Variants in MTIF2 observed in about 807,000 individuals in gnomAD.
MTIF2 encodes mitochondrial translational initiation factor 2, also known as translation initiation factor IF-2, mitochondrial.
In MTIF2, 71 loss-of-function variants were observed where a neutral mutation model predicts 83.5. That is an observed-to-expected ratio of 0.85 (90% CI 0.70 to 1.04). The LOEUF is 1.04. MTIF2 is among the 50% of genes least tolerant of loss of function. The probability of loss-of-function intolerance (pLI) is 0.00; values close to 1 mark genes in which losing one functional copy is unlikely to be tolerated. For missense variants in MTIF2, 957 were observed against 846.5 expected (o/e 1.13, Z -1.62); for synonymous variants, 319 against 287.1 (o/e 1.11, Z -1.12).
At chr2:55,258,067 C>T (rs1359170233) in intron 5 of MTIF2, among the ~76,000 whole-genome samples, 1 of 152,210 alleles carries the variant, frequency 6.6e-6, no homozygotes, top group Non-Finnish European at 1.5e-5. Flanking sequence ...GCTGGGATTA[C>T]AGACATGAGC....
At chr2:55,240,888 A>T (rs939044863) in intron 13 of MTIF2, among the ~76,000 whole-genome samples, 6 of 152,170 alleles carry the variant, frequency 3.9e-5, no homozygotes, top group African/African-American at 1.4e-4. Context: ...CTTATTGTCT[A>T]CAATTTTTGT....
intron 14 of MTIF2, among the ~76,000 whole-genome samples, chr2:55,237,937 C>T (rs1329411162): frequency 1.3e-5 from 2 of 152,172 alleles, no homozygotes; most frequent in African/African-American, 4.8e-5. Flanking sequence ...AGGCGTGAGC[C>T]ACTGCACCCA....
chr2:55,254,805 A>G lies in MTIF2; in HGVS notation c.352T>C (p.Leu118=), dbSNP rs1677386713. The G allele has an allele frequency of 1.3e-6, 2 of 1,595,470 alleles. No homozygotes were observed. The highest frequency in any genetic ancestry group is 2.3e-5 in the East Asian group (1 of 44,120). Residue 118 remains leucine (L), a synonymous_variant, in exon 6 of 16, where the codon TTG becomes CTG. Transcript: ENST00000263629. ...KNTDYVYEAL[L]NTDIDIDSLE... ...GAATCTATGTCAATATCAGTGTTCAATAAAGCTTCATATACATAATCTGAT... is the reference window on the plus strand; with the variant it reads ...GAATCTATGTCAATATCAGTGTTCAGTAAAGCTTCATATACATAATCTGAT...
chr2:55,261,941 C>CAA (rs5831348), intron 5 of MTIF2, among the ~76,000 whole-genome samples: 43 of 87,150 alleles, frequency 4.9e-4, no homozygotes, highest in African/African-American at 1.5e-3. Flanking sequence ...AAAAAAAAAC[C>CAA]AAAAAAAAAA....
intron 5 of MTIF2, among the ~76,000 whole-genome samples, chr2:55,261,328 G>A (rs2104451416): frequency 6.6e-6 from 1 of 152,214 alleles, no homozygotes; most frequent in African/African-American, 2.4e-5. Context: ...GAAAAGGCTG[G>A]GCATGGTGGG....
Position 55,249,681 on chromosome 2 carries a change from G to C in MTIF2, c.842-147C>G. On this transcript the variant is annotated intron_variant, in intron 8 of 15. Transcript: ENST00000263629. ...CAAAAGGCCAAAATGACCCACTTTA[G>C]AGTCACATCACCCTACTCTGCGCTC... The C allele has an allele frequency of 5.0e-6, 4 of 797,004 alleles. No individual in the cohort carries two copies. In the South Asian group the frequency reaches 7.2e-5, roughly 14 times the overall value. 49.4% of individuals were successfully genotyped at this position (797,004 alleles called of 1,614,324 possible).
intron 5 of MTIF2, among the ~76,000 whole-genome samples, chr2:55,262,111 A>G (rs1346213712): frequency 2.6e-5 from 4 of 152,216 alleles, no homozygotes; most frequent in Non-Finnish European, 5.9e-5. Context: ...CACTTTAATT[A>G]AAAGCAAAAT....
intron 2 of MTIF2, among the ~76,000 whole-genome samples, chr2:55,268,158 CAGG>C (rs1319480312): frequency 1.3e-5 from 2 of 151,860 alleles, no homozygotes; most frequent in Non-Finnish European, 2.9e-5. Context: ...GAGGCTGAGG[CAGG>C]AGAATCGCTT....
rs763176227 is a variant in MTIF2 at position 55,243,680 on chromosome 2, A to G, written c.1312-12T>C. The stretch of plus-strand genomic sequence containing the variant: ...TCACGTGCCCTTGGCTTTATAGGGG[A>G]AAAACGTATTATTTAATGAAATAGA... On this transcript the variant is annotated splice_polypyrimidine_tract_variant and intron_variant, in intron 11 of 15. Transcript: ENST00000263629. The G allele has an allele frequency of 3.1e-6, 5 of 1,607,938 alleles. No individual in the cohort carries two copies. Among genetic ancestry groups the G allele is most frequent in the Non-Finnish European group, 4.2e-6 (5 of 1,177,826 alleles).
chr2:55,243,915 G>A (rs1676507424), intron 11 of MTIF2, 114 bp downstream of exon 11: 2 of 1,023,900 alleles, frequency 2.0e-6, no homozygotes, highest in Non-Finnish European at 2.8e-6. Context: ...CATCCTCACA[G>A]CCCCTTATAA....
chr2:55,261,941 C>CAAAAAAAAAAAAAAAAAACA (rs5831348), intron 5 of MTIF2, among the ~76,000 whole-genome samples: 2 of 87,114 alleles, frequency 2.3e-5, no homozygotes, highest in South Asian at 3.6e-4. Context: ...AAAAAAAAAC[C>CAAAAAAAAAAAAAAAAAACA]AAAAAAAAAA....
chr2:55,253,803 A>G (rs1296704204), intron 7 of MTIF2, among the ~76,000 whole-genome samples: 1 of 16,672 alleles, frequency 6.0e-5, no homozygotes, highest in Non-Finnish European at 3.2e-4. Context: ...TGACAGAGTG[A>G]GACTCTGTCT....
At chr2:55,249,640 G>T in intron 8 of MTIF2, 106 bp from the exon 9 acceptor site, 1 of 1,383,272 alleles carries the variant, frequency 7.2e-7, no homozygotes, top group Non-Finnish European at 9.8e-7. Flanking sequence ...TTTATTCAGT[G>T]GATGTTTTTA....
chr2:55,253,975 A>AT (rs1677312602), intron 7 of MTIF2, 66 bp downstream of exon 7: 1 of 1,520,186 alleles, frequency 6.6e-7, no homozygotes, highest in East Asian at 2.3e-5. Context: ...ATTTCATACT[A>AT]TGACATTTAG....
intron 5 of MTIF2, among the ~76,000 whole-genome samples, chr2:55,261,823 A>G (rs1351542696): frequency 6.6e-6 from 1 of 151,560 alleles, no homozygotes; most frequent in Non-Finnish European, 1.5e-5. Context: ...CTGTAGTCCC[A>G]GCTACTCAGG....
intron 5 of MTIF2, among the ~76,000 whole-genome samples, chr2:55,261,670 G>A (rs1219094249): frequency 6.6e-6 from 1 of 151,920 alleles, no homozygotes; most frequent in Admixed American, 6.6e-5. Flanking sequence ...CAGGCGTGGT[G>A]GCTCATACCT....
intron 14 of MTIF2, among the ~76,000 whole-genome samples, chr2:55,238,582 G>C (rs749644220): frequency 1.3e-5 from 2 of 151,832 alleles, no homozygotes; most frequent in Non-Finnish European, 2.9e-5. Context: ...GTAAAGACGG[G>C]GTTTCACCAT....
intron 8 of MTIF2, among the ~76,000 whole-genome samples, chr2:55,250,674 G>A (rs1677032585): frequency 6.6e-6 from 1 of 152,108 alleles, no homozygotes; most frequent in Non-Finnish European, 1.5e-5. Context: ...ACTATCACTA[G>A]ACATATCCTC....
intron 12 of MTIF2, 96 bp downstream of exon 12, chr2:55,243,319 GA>G: frequency 8.1e-7 from 1 of 1,239,428 alleles, no homozygotes. Context: ...CTAAAATATT[GA>G]AATAATTTTC....
Sources: gnomAD v4.1 joint callset for allele counts (sites outside exome capture counted in the v4.1 genomes callset) on GRCh38, gnomAD v4.1.1 for gene constraint, MANE v1.5 for transcripts, NCBI Gene and HGNC (gene_info 2026-07-23, HGNC 2026-07-21) for gene names.